Variants in THSD7A observed in about 807,000 individuals in gnomAD.
The protein encoded by THSD7A is thrombospondin type 1 domain containing 7A.
THSD7A carries 96 observed loss-of-function variants against 231.3 expected under a neutral mutation model. That is an observed-to-expected ratio of 0.41 (90% CI 0.35 to 0.49). The LOEUF (loss-of-function observed/expected upper bound fraction) is 0.49. Among genes scored for constraint, THSD7A ranks in the 20% least tolerant of loss-of-function variants. THSD7A has a pLI of 0.05. For missense variants in THSD7A, 2,290 were observed against 2,070.2 expected, an observed-to-expected ratio of 1.11 and a Z score of -2.06; for synonymous variants, 940 against 743.3, an observed-to-expected ratio of 1.26 and a Z score of -4.30.
chr7:11,527,846 T>G (rs1788542305), intron 6 of THSD7A, among the ~76,000 whole-genome samples: 1 of 152,036 alleles, frequency 6.6e-6, no homozygotes, highest in Non-Finnish European at 1.5e-5. Context: ...AATAATGGCT[T>G]TAGGTAAGAA....
chr7:11,733,917 G>C (rs1439324744), intron 1 of THSD7A, among the ~76,000 whole-genome samples: 1 of 151,658 alleles, frequency 6.6e-6, no homozygotes, highest in Non-Finnish European at 1.5e-5. Context: ...TCCTATGTCT[G>C]GCTACTATAT....
intron 6 of THSD7A, among the ~76,000 whole-genome samples, chr7:11,518,888 C>T (rs1467703879): frequency 6.6e-6 from 1 of 152,104 alleles, no homozygotes; most frequent in East Asian, 1.9e-4. Flanking sequence ...ATATTTCATT[C>T]ATGGACCTTT....
chr7:11,545,530 G>T (rs1789343101), intron 4 of THSD7A, among the ~76,000 whole-genome samples: 1 of 152,152 alleles, frequency 6.6e-6, no homozygotes, highest in South Asian at 2.1e-4. Context: ...GGCATTGAAG[G>T]TGGACAGAGG....
In THSD7A at chr7:11,766,651, G is replaced by A. The variant is rs565403054; in HGVS notation, c.190+65106C>T. The stretch of plus-strand genomic sequence containing the variant: ...AAAATATATTCTGATATTATGAACT[G>A]AATATAATAATCAGGAGGCTATCAC... On this transcript the variant is annotated intron_variant, in intron 1 of 27. Transcript: ENST00000423059. Among the ~76,000 whole-genome samples the A allele has an allele frequency of 3.3e-5, 5 of 152,252 alleles. No homozygotes were observed. In the South Asian group the frequency reaches 1.0e-3, roughly 32 times the overall value.
At chr7:11,729,400 G>A (rs564013331) in intron 1 of THSD7A, among the ~76,000 whole-genome samples, 19 of 151,750 alleles carry the variant, frequency 1.3e-4, no homozygotes, top group African/African-American at 3.1e-4. Flanking sequence ...ACACAGCACC[G>A]CAAATAACAT....
intron 6 of THSD7A, among the ~76,000 whole-genome samples, chr7:11,513,681 T>C (rs1164414879): frequency 1.3e-5 from 2 of 152,164 alleles, no homozygotes; most frequent in African/African-American, 4.8e-5. Flanking sequence ...TGTTTTCTCT[T>C]GAGGTGATGA....
At chr7:11,429,232 G>A in intron 13 of THSD7A, 107 bp from the exon 14 acceptor site, 5 of 1,042,186 alleles carry the variant, frequency 4.8e-6, no homozygotes, top group Non-Finnish European at 6.7e-6. Context: ...CTTGACAGCA[G>A]CATGCAAATG....
chr7:11,657,952 A>C (rs1293295028), intron 1 of THSD7A, among the ~76,000 whole-genome samples: 1 of 151,750 alleles, frequency 6.6e-6, no homozygotes, highest in East Asian at 1.9e-4. Flanking sequence ...TAGGAAATAG[A>C]GTACCTGAGC....
At chr7:11,822,717 T>C (rs1380451982) in intron 1 of THSD7A, among the ~76,000 whole-genome samples, 1 of 152,222 alleles carries the variant, frequency 6.6e-6, no homozygotes, top group African/African-American at 2.4e-5. Context: ...ATCATTTCTA[T>C]GTCTTCTTTT....
intron 6 of THSD7A, among the ~76,000 whole-genome samples, chr7:11,506,613 T>G (rs1787554076): frequency 6.6e-6 from 1 of 152,216 alleles, no homozygotes. Context: ...AGGCCCTGTA[T>G]GATCTGCTTC....
intron 4 of THSD7A, among the ~76,000 whole-genome samples, chr7:11,574,166 T>C (rs1480266574): frequency 6.6e-6 from 1 of 152,190 alleles, no homozygotes; most frequent in Non-Finnish European, 1.5e-5. Flanking sequence ...ATAACATTAT[T>C]ACCCAGTTAT....
chr7:11,430,489 C>A (rs1438959484), intron 13 of THSD7A, among the ~76,000 whole-genome samples: 1 of 152,166 alleles, frequency 6.6e-6, no homozygotes, highest in East Asian at 1.9e-4. Context: ...TTAGAGATGT[C>A]TCACTCTGTC....
intron 1 of THSD7A, among the ~76,000 whole-genome samples, chr7:11,811,181 T>C (rs1186590568): frequency 1.3e-5 from 2 of 152,136 alleles, no homozygotes; most frequent in Non-Finnish European, 2.9e-5. Flanking sequence ...AGACTTTGAT[T>C]AAGAAAACAA....
chr7:11,528,730 C>G (rs2128318612), intron 6 of THSD7A, among the ~76,000 whole-genome samples: 1 of 152,206 alleles, frequency 6.6e-6, no homozygotes, highest in Non-Finnish European at 1.5e-5. Context: ...TTGTAGCAAG[C>G]TATAGCATGT....
At chr7:11,653,450 G>GTGTGTT (rs1562445821) in intron 1 of THSD7A, among the ~76,000 whole-genome samples, 1 of 66,242 alleles carries the variant, frequency 1.5e-5, no homozygotes, top group Non-Finnish European at 3.2e-5. Context: ...TCCCAGATAT[G>GTGTGTT]TGTGTGTGTG....
At chr7:11,520,189 T>C (rs1033268047) in intron 6 of THSD7A, 3 of 152,224 alleles carry the variant, frequency 2.0e-5, no homozygotes, top group Non-Finnish European at 2.9e-5. Flanking sequence ...TTGGAGAAAC[T>C]GCAGGCATTT....
At chr7:11,416,196 C>T (rs563944403) in intron 17 of THSD7A, among the ~76,000 whole-genome samples, 3 of 152,222 alleles carry the variant, frequency 2.0e-5, no homozygotes, top group African/African-American at 7.2e-5. Context: ...AATAATAGAG[C>T]CTCAATAATT....
At chr7:11,661,460 T>C (rs1005850342) in intron 1 of THSD7A, among the ~76,000 whole-genome samples, 2 of 151,152 alleles carry the variant, frequency 1.3e-5, no homozygotes, top group African/African-American at 4.8e-5. Context: ...TGATGGAGAA[T>C]TTAAGCAGAG....
chr7:11,775,196 A>G, intron 1 of THSD7A, among the ~76,000 whole-genome samples: 1 of 152,242 alleles, frequency 6.6e-6, no homozygotes, highest in Non-Finnish European at 1.5e-5. Context: ...ACAGAAAATA[A>G]CAAGTGTTAA....
Sources: gnomAD v4.1 joint callset for allele counts (sites outside exome capture counted in the v4.1 genomes callset) on GRCh38, gnomAD v4.1.1 for gene constraint, MANE v1.5 for transcripts, NCBI Gene and HGNC (gene_info 2026-07-23, HGNC 2026-07-21) for gene names.